CYP4B1: variants seen among roughly 807,000 people sequenced by gnomAD.
CYP4B1 encodes cytochrome P450 4B1.
Under a neutral mutation model 54.0 loss-of-function variants are expected in CYP4B1, and 45 were observed. That is an observed-to-expected ratio of 0.83 (90% CI 0.66 to 1.07). The LOEUF is 1.07. Among genes scored for constraint, CYP4B1 ranks in the 50% least tolerant of loss-of-function variants. CYP4B1 has a pLI of 0.00. For missense variants in CYP4B1, 656 were observed against 655.4 expected, an observed-to-expected ratio of 1.00 and a Z score of -0.01; for synonymous variants, 248 against 247.5, an observed-to-expected ratio of 1.00 and a Z score of -0.02.
chr1:46,809,143 A>AACAC (rs1368058571), intron 1 of CYP4B1, among the ~76,000 whole-genome samples: 2 of 149,130 alleles, frequency 1.3e-5, no homozygotes, highest in Non-Finnish European at 3.0e-5. Context: ...AAAACAAACA[A>AACAC]AAAACAAAAA....
intron 1 of CYP4B1, among the ~76,000 whole-genome samples, chr1:46,802,059 G>C (rs1569854338): frequency 6.6e-6 from 1 of 152,306 alleles, no homozygotes; most frequent in East Asian, 1.9e-4. Flanking sequence ...GTGGGGACAT[G>C]TCCTATTCTT....
chr1:46,814,045 G>T lies in CYP4B1; in HGVS notation c.757G>T (p.Val253Leu), dbSNP rs1389341035. 1 of 1,614,052 alleles carries T rather than the reference G, an allele frequency of 6.2e-7. No individual in the cohort carries two copies. The highest frequency in any genetic ancestry group is 2.2e-5 in the East Asian group (1 of 44,864). ...CCGCCGCTTCCTGCGGGCCTGCCAG[G>T]TGGCCCATGACCATACAGGTGGGCC... Reference protein sequence around the residue: ...HGRRFLRACQVAHDHTDQVIR... With the variant: ...HGRRFLRACQLAHDHTDQVIR... The change falls in exon 6 of 12, where the codon GTG (valine) becomes TTG (leucine). Residue 253 changes from valine (V) to leucine (L), a missense_variant. By Grantham distance (32) the Val-to-Leu change is conservative. Coordinates refer to ENST00000371923, the MANE Select transcript of CYP4B1 (RefSeq NM_001099772.2).
intron 3 of CYP4B1, 180 bp from the exon 4 acceptor site, chr1:46,812,316 G>T: frequency 2.8e-6 from 2 of 726,202 alleles, no homozygotes; most frequent in Non-Finnish European, 4.9e-6. Context: ...AAGAACTGCT[G>T]CCACCTGTCT....
rs779131973 is a variant in CYP4B1, at chr1:46,817,983, A to G, written c.1226A>G (p.His409Arg). ...CCCACAGGAAGCCTGATCTCTATGC[A>G]TATCTATGCCCTCCATAGGAACAGT... ...SLPAGSLISMHIYALHRNSAV... is the reference protein window; with the variant it reads ...SLPAGSLISMRIYALHRNSAV... Residue 409 changes from histidine to arginine, a missense_variant, in exon 10 of 12, where the codon CAT becomes CGT. Transcript: ENST00000371923. 1 of 1,614,094 alleles carries G rather than the reference A, an allele frequency of 6.2e-7. No homozygotes were observed. Among genetic ancestry groups the G allele is most frequent in the Non-Finnish European group, 8.5e-7 (1 of 1,179,992 alleles).
At chr1:46,809,987 T>C (rs1268327685) in intron 1 of CYP4B1, among the ~76,000 whole-genome samples, 2 of 152,212 alleles carry the variant, frequency 1.3e-5, no homozygotes, top group African/African-American at 4.8e-5. Flanking sequence ...TACCACCCTC[T>C]GGATGACCTA....
chr1:46,817,846 C>T lies in CYP4B1; in HGVS notation c.1208-119C>T, dbSNP rs920707567. ...GTGGTCATGAACGCTCTGTCACTGG[C>T]AGTGGTCAGGCAGGAGCTGGCACCC... is the stretch of plus-strand genomic sequence containing the variant. On this transcript the variant is annotated intron_variant, in intron 9 of 11. Transcript: ENST00000371923. 1.1e-5 allele frequency: 9 copies of T among 798,564 alleles called. 1 individual carries two copies. The highest frequency in any genetic ancestry group is 9.3e-5 in the Admixed American group (5 of 53,694). 49.5% of individuals were successfully genotyped at this position (798,564 alleles called of 1,614,324 possible).
In CYP4B1 at chr1:46,818,209, C is replaced by G. The variant is rs754586930; in HGVS notation, c.1351C>G (p.Pro451Ala). 1.2e-5 allele frequency: 20 copies of G among 1,613,824 alleles called. No homozygotes were observed. The highest frequency in any genetic ancestry group is 1.7e-5 in the Admixed American group (1 of 59,994). ...TGCCTTTATGCCCTTCTCTGCTGGGCCCAGGTATGGAGAGACCCAGTATCC... is the reference window on the plus strand; with the variant it reads ...TGCCTTTATGCCCTTCTCTGCTGGGGCCAGGTATGGAGAGACCCAGTATCC... ...PFAFMPFSAGPRNCIGQQFAM... is the reference protein window; with the variant it reads ...PFAFMPFSAGARNCIGQQFAM... Residue 451 changes from proline (P) to alanine (A), a missense_variant, in exon 11 of 12, where the codon CCC (proline) becomes GCC (alanine). Transcript: ENST00000371923.
rs4646491 is a variant in CYP4B1 at position 46,815,212 on chromosome 1, C to T, written c.1021C>T (p.Arg341Cys). ...GGCCCTGTACCCTGAGCACCAGCATCGTTGTAGAGAGGAGGTCCGCGAGAT... is the reference window on the plus strand; with the variant it reads ...GGCCCTGTACCCTGAGCACCAGCATTGTTGTAGAGAGGAGGTCCGCGAGAT... ...CMALYPEHQH[R>C]CREEVREILG... Residue 341 changes from arginine to cysteine, a missense_variant, in exon 8 of 12, where the codon CGT (arginine) becomes TGT (cysteine). Coordinates refer to ENST00000371923, the MANE Select transcript of CYP4B1 (RefSeq NM_001099772.2). 0.14 allele frequency: 222,698 copies of T among 1,600,864 alleles called. 16,604 individuals carry two copies. The highest frequency in any genetic ancestry group is 0.27 in the East Asian group (12,087 of 44,488).
At chr1:46,813,659 G>A (rs1679206517) in intron 5 of CYP4B1, 53 bp downstream of exon 5, 1 of 1,607,572 alleles carries the variant, frequency 6.2e-7, no homozygotes, top group African/African-American at 1.3e-5. Flanking sequence ...ATCTTAGAGG[G>A]GAGAGTTGGC....
rs1679227863 is a variant in CYP4B1 at position 46,814,050 on chromosome 1, C to G, written c.762C>G (p.Ala254=). The G allele has an allele frequency of 6.2e-7, 1 of 1,614,066 alleles. No individual in the cohort carries two copies. The highest frequency in any genetic ancestry group is 1.7e-5 in the Admixed American group (1 of 60,030). The change falls in exon 6 of 12, where the codon GCC becomes GCG. Residue 254 remains alanine (A), a synonymous_variant. Transcript: ENST00000371923. ...GRRFLRACQV[A]HDHTDQVIRE... Reference sequence around the variant, plus strand: ...GCTTCCTGCGGGCCTGCCAGGTGGCCCATGACCATACAGGTGGGCCTTTCC... The same window carrying G: ...GCTTCCTGCGGGCCTGCCAGGTGGCGCATGACCATACAGGTGGGCCTTTCC...
In CYP4B1 at chr1:46,800,045, C is replaced by G. The variant is rs533372913; in HGVS notation, c.180+784C>G. ...GAACTAGGAGTTTACATTTATAAAC[C>G]TGTCCAAGTGTTAGTGTTTTGATCT... is the stretch of plus-strand genomic sequence containing the variant. On this transcript the variant is annotated intron_variant, in intron 1 of 11. Coordinates refer to ENST00000371923, the MANE Select transcript of CYP4B1 (RefSeq NM_001099772.2). Among the ~76,000 whole-genome samples, 14 of 152,256 alleles carry G rather than the reference C, an allele frequency of 9.2e-5. No individual in the cohort carries two copies. The East Asian group carries it at 1.2e-3, about 13-fold the overall frequency.
At chr1:46,801,900 G>A (rs1678676168) in intron 1 of CYP4B1, among the ~76,000 whole-genome samples, 2 of 152,158 alleles carry the variant, frequency 1.3e-5, no homozygotes, top group African/African-American at 2.4e-5. Flanking sequence ...AGTAGGAAGG[G>A]GAGGAAGACT....
At position 46,819,007 on chromosome 1, in the gene CYP4B1, A is replaced by C. The variant is rs1351423401; in HGVS notation, c.*193A>C. On this transcript the variant is annotated 3_prime_UTR_variant, in exon 12 of 12. Coordinates refer to ENST00000371923, the MANE Select transcript of CYP4B1 (RefSeq NM_001099772.2). ...AAATGTGTGTCTATAAATGTTTATC[A>C]TGCATGTATTCTAGAGCTCATTCAT... 2 of 546,828 alleles carry C rather than the reference A, an allele frequency of 3.7e-6. No homozygotes were observed. Among genetic ancestry groups the C allele is most frequent in the Non-Finnish European group, 6.5e-6 (2 of 309,318 alleles). 33.9% of individuals were successfully genotyped at this position (546,828 alleles called of 1,614,324 possible).
chr1:46,818,801 G>A lies in CYP4B1; in HGVS notation c.1526G>A (p.Gly509Glu). The change falls in exon 12 of 12, where the codon GGG becomes GAG. Residue 509 changes from glycine (G) to glutamate (E), a missense_variant. Transcript: ENST00000371923. ...CTCCACCTGAAGCCACTGGGCCCTG[G>A]GTCTGGGAAGTAGCTCTGATGAGAA... ...FHLHLKPLGPGSGK is the reference protein window; with the variant it reads ...FHLHLKPLGPESGK 1 of 1,614,094 alleles carries A rather than the reference G, an allele frequency of 6.2e-7. No individual in the cohort carries two copies. The highest frequency in any genetic ancestry group is 8.5e-7 in the Non-Finnish European group (1 of 1,179,992).
intron 1 of CYP4B1, among the ~76,000 whole-genome samples, chr1:46,801,509 C>A (rs1678662269): frequency 2.6e-5 from 4 of 151,198 alleles, no homozygotes; most frequent in Admixed American, 2.6e-4. Context: ...TTGGCTCTAA[C>A]ACAACTGTCT....
chr1:46,810,486 G>A (rs1190328939), intron 1 of CYP4B1, among the ~76,000 whole-genome samples: 1 of 152,168 alleles, frequency 6.6e-6, no homozygotes, highest in Non-Finnish European at 1.5e-5. Flanking sequence ...TAATTAAAGA[G>A]CTTTAATGTG....
chr1:46,818,226 C>G lies in CYP4B1; in HGVS notation c.1355+13C>G. 6.2e-7 allele frequency: 1 copy of G among 1,611,118 alleles called. No homozygotes were observed. Among genetic ancestry groups the G allele is most frequent in the Non-Finnish European group, 8.5e-7 (1 of 1,177,336 alleles). ...CTGCTGGGCCCAGGTATGGAGAGAC[C>G]CAGTATCCCAGGCCCTCAGGACTGG... On this transcript the variant is annotated intron_variant, in intron 11 of 11. Coordinates refer to ENST00000371923, the MANE Select transcript of CYP4B1 (RefSeq NM_001099772.2).
rs562436350 is a variant in CYP4B1, at chr1:46,817,227, C to A, written c.1207+46C>A. On this transcript the variant is annotated intron_variant, in intron 9 of 11. Transcript: ENST00000371923. ...GGTGGAAAAGGAGTCCCTGCATGCT[C>A]CTCTGGCACCCTCTGTGCCTTTAGT... The A allele has an allele frequency of 1.6e-5, 25 of 1,609,714 alleles. No homozygotes were observed. In the South Asian group the frequency reaches 1.8e-4, roughly 11 times the overall value.
chr1:46,814,746 T>TC, intron 7 of CYP4B1: 1 of 389,640 alleles, frequency 2.6e-6, no homozygotes, highest in Non-Finnish European at 4.7e-6. Context: ...ATGCTTACAG[T>TC]CCAGCAGGGG....
Sources: gnomAD v4.1 joint callset for allele counts (sites outside exome capture counted in the v4.1 genomes callset) on GRCh38, gnomAD v4.1.1 for gene constraint, MANE v1.5 for transcripts, NCBI Gene and HGNC (gene_info 2026-07-23, HGNC 2026-07-21) for gene names.